The following PALS1 variants were observed in gnomAD, a reference collection of about 807,000 sequenced individuals.
The protein encoded by PALS1 is protein associated with LIN7 1, MAGUK p55 family member.
Under a neutral mutation model 78.9 loss-of-function variants are expected in PALS1, and 31 were observed. That is an observed-to-expected ratio of 0.39 (90% CI 0.30 to 0.53). PALS1 has a LOEUF of 0.53. Among genes scored for constraint, PALS1 ranks in the 20% least tolerant of loss-of-function variants. PALS1 has a pLI of 0.67. For missense variants in PALS1, 704 were observed against 826.5 expected (o/e 0.85, Z 1.82); for synonymous variants, 276 against 270.9 (o/e 1.02, Z -0.18).
chr14:67,282,487 TTAAG>T (rs1358981480), intron 3 of PALS1, among the ~76,000 whole-genome samples: 2 of 152,110 alleles, frequency 1.3e-5, no homozygotes, highest in Admixed American at 6.5e-5. Flanking sequence ...ATTGGCAAGA[TTAAG>T]TAATTGGGTG....
rs2084851416 is a variant in PALS1, at chr14:67,296,444, CA to C, written c.576+3732del. Among the ~76,000 whole-genome samples the C allele has an allele frequency of 1.3e-5, 2 of 151,492 alleles. 1 individual carries two copies. The highest frequency in any genetic ancestry group is 4.2e-4 in the South Asian group (2 of 4,810). On this transcript the variant is annotated intron_variant, in intron 4 of 14. Transcript: ENST00000261681. Reference sequence around the variant, plus strand: ...TGAAATGCTGTCTCTACTAAAAATACAAAAAAATTAGGCGGGTGTGGTGGTA... The same window carrying C: ...TGAAATGCTGTCTCTACTAAAAATACAAAAAATTAGGCGGGTGTGGTGGTA...
chr14:67,290,434 A>G (rs1364838604), intron 3 of PALS1, among the ~76,000 whole-genome samples: 4 of 152,212 alleles, frequency 2.6e-5, no homozygotes, highest in Admixed American at 1.3e-4. Context: ...ATGAGGTCTC[A>G]CTCAGTTGCC....
At chr14:67,284,584 A>C (rs1308696297) in intron 3 of PALS1, among the ~76,000 whole-genome samples, 10 of 143,582 alleles carry the variant, frequency 7.0e-5, no homozygotes, top group African/African-American at 2.4e-4. Context: ...AAAAAAAAAA[A>C]AAAAGGTTGT....
At chr14:67,316,961 T>C in intron 10 of PALS1, 58 bp downstream of exon 10, 1 of 1,333,192 alleles carries the variant, frequency 7.5e-7, no homozygotes, top group Non-Finnish European at 1.1e-6. Flanking sequence ...TCTGGAGCCA[T>C]GTGTGAATCT....
At chr14:67,267,962 TTTTA>T (rs1284533774) in intron 1 of PALS1, among the ~76,000 whole-genome samples, 7 of 152,348 alleles carry the variant, frequency 4.6e-5, no homozygotes, top group Middle Eastern at 3.4e-3. Flanking sequence ...GTATTCTATT[TTTTA>T]TTTATTCATT....
chr14:67,252,532 C>T (rs1322721517), intron 1 of PALS1, among the ~76,000 whole-genome samples: 1 of 152,016 alleles, frequency 6.6e-6, no homozygotes, highest in Non-Finnish European at 1.5e-5. Context: ...TACAGGAGGC[C>T]CAAAACTTGT....
At chr14:67,279,758 G>GT (rs983166373) in intron 3 of PALS1, 71 of 415,044 alleles carry the variant, frequency 1.7e-4, no homozygotes, top group African/African-American at 1.3e-3. Flanking sequence ...ACTATAACAT[G>GT]TTTTTTTAGA....
chr14:67,272,455 A>G (rs528515044), intron 2 of PALS1, among the ~76,000 whole-genome samples: 2 of 152,234 alleles, frequency 1.3e-5, no homozygotes, highest in African/African-American at 2.4e-5. Context: ...AAATGAGTGA[A>G]TACTATGTGA....
intron 1 of PALS1, among the ~76,000 whole-genome samples, chr14:67,246,979 T>C (rs1450851209): frequency 6.6e-6 from 1 of 152,194 alleles, no homozygotes; most frequent in Non-Finnish European, 1.5e-5. Flanking sequence ...GTCTTCACAT[T>C]AGGTAATGTG....
At chr14:67,246,312 G>A (rs1040175497) in intron 1 of PALS1, among the ~76,000 whole-genome samples, 1 of 151,342 alleles carries the variant, frequency 6.6e-6, no homozygotes, top group Non-Finnish European at 1.5e-5. Flanking sequence ...TTTATTTGTA[G>A]AGATAAGGTC....
intron 2 of PALS1, among the ~76,000 whole-genome samples, chr14:67,272,228 A>G (rs151025020): frequency 7.2e-4 from 110 of 152,270 alleles, no homozygotes; most frequent in African/African-American, 2.4e-3. Context: ...GATGGACCCA[A>G]TCAAACTTTC....
chr14:67,259,952 C>T (rs2084209808), intron 1 of PALS1, among the ~76,000 whole-genome samples: 1 of 151,074 alleles, frequency 6.6e-6, no homozygotes, highest in Non-Finnish European at 1.5e-5. Flanking sequence ...CTTTAACTTT[C>T]TGTTTATTAT....
At chr14:67,279,891 TAA>T (rs1567517775) in intron 3 of PALS1, 1 of 213,364 alleles carries the variant, frequency 4.7e-6, no homozygotes, top group African/African-American at 2.3e-5. Context: ...CTGATTTCCT[TAA>T]AGTTTTGTAA....
chr14:67,323,753 G>A lies in PALS1; in HGVS notation c.1792G>A (p.Ala598Thr). Residue 598 changes from alanine to threonine, a missense_variant, in exon 14 of 15, where the codon GCA becomes ACA. By Grantham distance (58) the Ala-to-Thr change is moderately conservative. Transcript: ENST00000261681. ...TTTGAAACCATATATTATCTTCATTGCACCCCCTTCACAAGAAAGACTTCG... is the reference window on the plus strand; with the variant it reads ...TTTGAAACCATATATTATCTTCATTACACCCCCTTCACAAGAAAGACTTCG... ...SDLKPYIIFI[A>T]PPSQERLRAL... is the part of the protein sequence containing the mutation. The A allele has an allele frequency of 6.2e-7, 1 of 1,604,906 alleles. No individual in the cohort carries two copies. Among genetic ancestry groups the A allele is most frequent in the East Asian group, 2.3e-5 (1 of 44,122 alleles).
At chr14:67,294,306 A>G (rs1044305435) in intron 4 of PALS1, 22 of 152,184 alleles carry the variant, frequency 1.4e-4, no homozygotes, top group African/African-American at 5.1e-4. Flanking sequence ...ATACTTGTGA[A>G]AAAAGCACAT....
chr14:67,249,058 G>A (rs2084026585), intron 1 of PALS1, among the ~76,000 whole-genome samples: 1 of 151,958 alleles, frequency 6.6e-6, no homozygotes, highest in Non-Finnish European at 1.5e-5. Flanking sequence ...TGCCTCCCGG[G>A]TTCAAGTTAT....
chr14:67,285,386 AG>A (rs1281943214), intron 3 of PALS1, among the ~76,000 whole-genome samples: 2 of 101,712 alleles, frequency 2.0e-5, no homozygotes, highest in African/African-American at 1.1e-4. Context: ...TTTTTTTTTG[AG>A]ACGGAGTCTC....
intron 8 of PALS1, 55 bp from the exon 9 acceptor site, chr14:67,312,472 T>C: frequency 7.8e-7 from 1 of 1,275,900 alleles, no homozygotes; most frequent in Admixed American, 2.5e-5. Flanking sequence ...ATTGTATTCA[T>C]ATGAAACATT....
chr14:67,254,231 C>T (rs1022528913), intron 1 of PALS1: 6 of 134,016 alleles, frequency 4.5e-5, no homozygotes, highest in Admixed American at 3.3e-4. Context: ...GATACGGACT[C>T]TGCCTCAGCA....
Sources: gnomAD v4.1 joint callset for allele counts (sites outside exome capture counted in the v4.1 genomes callset) on GRCh38, gnomAD v4.1.1 for gene constraint, MANE v1.5 for transcripts, NCBI Gene and HGNC (gene_info 2026-07-23, HGNC 2026-07-21) for gene names.